The following PSMB7 variants were observed in gnomAD, a reference collection of about 807,000 sequenced individuals.
The protein encoded by PSMB7 is proteasome 20S subunit beta 7.
A neutral mutation model predicts 28.1 loss-of-function variants in PSMB7; 5 were observed. The observed-to-expected ratio is 0.18, with a 90% CI of 0.09 to 0.37. PSMB7 has a LOEUF of 0.37. Among genes scored for constraint, PSMB7 ranks in the 10% least tolerant of loss-of-function variants. PSMB7 has a pLI of 1.00. For missense variants in PSMB7, 275 were observed against 346.2 expected, an observed-to-expected ratio of 0.79 and a Z score of 1.63; for synonymous variants, 122 against 123.7, an observed-to-expected ratio of 0.99 and a Z score of 0.09.
At chr9:124,412,285 C>A in intron 4 of PSMB7, 67 bp downstream of exon 4, 1 of 1,501,354 alleles carries the variant, frequency 6.7e-7, no homozygotes, top group Non-Finnish European at 9.1e-7. Flanking sequence ...CCAGGCTTCT[C>A]TTGGCTGAAA....
intron 6 of PSMB7, among the ~76,000 whole-genome samples, chr9:124,364,670 A>G (rs549608023): frequency 3.3e-5 from 5 of 152,318 alleles, no homozygotes; most frequent in African/African-American, 9.6e-5. Flanking sequence ...GCGGCCCGTG[A>G]TAACTCTGGC....
intron 1 of PSMB7, 21 bp from the exon 2 acceptor site, chr9:124,414,956 C>A: frequency 6.4e-7 from 1 of 1,568,536 alleles, no homozygotes; most frequent in South Asian, 1.1e-5. Context: ...ATGAGAGAAT[C>A]AAGTGTTGAA....
intron 4 of PSMB7, among the ~76,000 whole-genome samples, chr9:124,411,887 T>C (rs928630895): frequency 4.6e-5 from 7 of 152,270 alleles, no homozygotes; most frequent in Non-Finnish European, 7.4e-5. Context: ...TAAAGGTTGG[T>C]TAATATTAAT....
rs755292716 is a variant in PSMB7 at position 124,353,578 on chromosome 9, C to T, written c.*20G>A. 4 of 1,563,858 alleles carry T rather than the reference C, an allele frequency of 2.6e-6. No individual in the cohort carries two copies. The highest frequency in any genetic ancestry group is 3.3e-5 in the Admixed American group (2 of 59,940). On this transcript the variant is annotated 3_prime_UTR_variant, in exon 8 of 8. Transcript: ENST00000259457. ...GCTCACCACCTTCCAGAACCGCGGCCAGCCACCCACTGATGCCATTCAGGA... is the reference window on the plus strand; with the variant it reads ...GCTCACCACCTTCCAGAACCGCGGCTAGCCACCCACTGATGCCATTCAGGA...
In PSMB7 at chr9:124,401,985, C is replaced by T. The variant is rs554250444; in HGVS notation, c.511+3332G>A. Among the ~76,000 whole-genome samples, 391 of 149,170 alleles carry T rather than the reference C, an allele frequency of 2.6e-3. 1 individual carries two copies. Among genetic ancestry groups the T allele is most frequent in the Non-Finnish European group, 4.5e-3 (307 of 67,658 alleles). On this transcript the variant is annotated intron_variant, in intron 5 of 7. Transcript: ENST00000259457. Reference sequence around the variant, plus strand: ...AGCGAGCAGAGATCATGCCACTGCACACCAGACCGGGTGACAGTGCGAGAC... The same window carrying T: ...AGCGAGCAGAGATCATGCCACTGCATACCAGACCGGGTGACAGTGCGAGAC...
intron 5 of PSMB7, among the ~76,000 whole-genome samples, chr9:124,400,055 A>C (rs1588580397): frequency 1.3e-5 from 2 of 148,766 alleles, no homozygotes; most frequent in African/African-American, 2.5e-5. Context: ...TCCCTCTTCC[A>C]CCCTCCCCAT....
intron 7 of PSMB7, among the ~76,000 whole-genome samples, chr9:124,354,896 G>A (rs1336378942): frequency 6.6e-6 from 1 of 152,212 alleles, no homozygotes; most frequent in Non-Finnish European, 1.5e-5. Context: ...TGTGGTGACA[G>A]TGCCCGATTT....
At chr9:124,401,302 A>G (rs1215468469) in intron 5 of PSMB7, among the ~76,000 whole-genome samples, 3 of 152,186 alleles carry the variant, frequency 2.0e-5, no homozygotes, top group Admixed American at 6.5e-5. Context: ...ACTCCTTCCT[A>G]TTATCCTCTC....
intron 5 of PSMB7, 78 bp from the exon 6 acceptor site, chr9:124,384,734 A>C (rs1830702762): frequency 8.0e-7 from 1 of 1,251,936 alleles, no homozygotes; most frequent in African/African-American, 1.5e-5. Flanking sequence ...AGGGGCAAGA[A>C]AAACAGCAAA....
At chr9:124,360,641 C>T (rs767242029) in intron 6 of PSMB7, among the ~76,000 whole-genome samples, 2 of 152,236 alleles carry the variant, frequency 1.3e-5, no homozygotes, top group Non-Finnish European at 2.9e-5. Context: ...CTTTCAGACG[C>T]TCAGCTAAAA....
chr9:124,363,374 G>C (rs1291043793), intron 6 of PSMB7, among the ~76,000 whole-genome samples: 1 of 151,564 alleles, frequency 6.6e-6, no homozygotes, highest in Non-Finnish European at 1.5e-5. Flanking sequence ...GAATACAATT[G>C]AAAGAGCTCA....
intron 6 of PSMB7, among the ~76,000 whole-genome samples, chr9:124,358,735 C>G (rs1830438606): frequency 6.6e-6 from 1 of 152,248 alleles, no homozygotes; most frequent in South Asian, 2.1e-4. Flanking sequence ...CCCCTGTTCC[C>G]GGCCTACCAC....
At chr9:124,382,696 C>T (rs1830680614) in intron 6 of PSMB7, among the ~76,000 whole-genome samples, 2 of 152,184 alleles carry the variant, frequency 1.3e-5, no homozygotes, top group Admixed American at 1.3e-4. Context: ...CACAACTGAT[C>T]TAAGAAACAT....
At chr9:124,365,844 G>A (rs1370614098) in intron 6 of PSMB7, among the ~76,000 whole-genome samples, 1 of 152,234 alleles carries the variant, frequency 6.6e-6, no homozygotes, top group Admixed American at 6.5e-5. Flanking sequence ...GAGCCTGGGA[G>A]GTTCAGGTTG....
chr9:124,360,884 T>C (rs565316616), intron 6 of PSMB7, among the ~76,000 whole-genome samples: 30 of 152,360 alleles, frequency 2.0e-4, no homozygotes, highest in Non-Finnish European at 3.2e-4. Context: ...GCACCTGCTA[T>C]AGTTTCTGGC....
intron 6 of PSMB7, among the ~76,000 whole-genome samples, chr9:124,361,919 G>A (rs1830468604): frequency 6.6e-6 from 1 of 152,206 alleles, no homozygotes; most frequent in Non-Finnish European, 1.5e-5. Flanking sequence ...TCACTTAAGT[G>A]ATTTTTAGAT....
chr9:124,400,542 T>C (rs983560051), intron 5 of PSMB7, among the ~76,000 whole-genome samples: 6 of 152,190 alleles, frequency 3.9e-5, no homozygotes, highest in Admixed American at 1.3e-4. Flanking sequence ...AGGAACTCTC[T>C]GGTGGTGGAA....
intron 5 of PSMB7, among the ~76,000 whole-genome samples, chr9:124,385,361 T>C (rs185923023): frequency 1.3e-5 from 2 of 152,362 alleles, no homozygotes; most frequent in East Asian, 1.9e-4. Context: ...TATTAACGGA[T>C]AGCAAATTTA....
chr9:124,387,342 G>A (rs1830735103), intron 5 of PSMB7, among the ~76,000 whole-genome samples: 1 of 152,160 alleles, frequency 6.6e-6, no homozygotes, highest in Non-Finnish European at 1.5e-5. Flanking sequence ...TAAACCCACA[G>A]ACTCTTGGAA....
Sources: gnomAD v4.1 joint callset for allele counts (sites outside exome capture counted in the v4.1 genomes callset) on GRCh38, gnomAD v4.1.1 for gene constraint, MANE v1.5 for transcripts, NCBI Gene and HGNC (gene_info 2026-07-23, HGNC 2026-07-21) for gene names.